Variants in NFIA observed in about 807,000 individuals in gnomAD.
NFIA encodes nuclear factor 1 A-type.
NFIA carries 8 observed loss-of-function variants against 62.8 expected under a neutral mutation model. The ratio of observed to expected loss-of-function variants is 0.13; its 90% CI spans 0.07 to 0.23. NFIA has a LOEUF of 0.23. NFIA is among the 10% of genes least tolerant of loss of function. The probability of loss-of-function intolerance (pLI) is 1.00; values close to 1 mark genes in which losing one functional copy is unlikely to be tolerated. For synonymous variants in NFIA, 235 were observed against 238.1 expected, an observed-to-expected ratio of 0.99 and a Z score of 0.12; for missense variants, 410 against 642.1, an observed-to-expected ratio of 0.64 and a Z score of 3.91.
intron 3 of NFIA, among the ~76,000 whole-genome samples, chr1:61,328,645 C>T (rs555820206): frequency 1.5e-4 from 23 of 152,102 alleles, no homozygotes; most frequent in Non-Finnish European, 1.5e-5. Flanking sequence ...TCTCTAACTC[C>T]CGACCTCAGG....
chr1:61,361,783 GTGTGT>G (rs1663305730), intron 6 of NFIA, among the ~76,000 whole-genome samples: 2 of 194 alleles, frequency 0.01, no homozygotes, highest in African/African-American at 0.04. Flanking sequence ...TTGGTAAGAG[GTGTGT>G]GTGTGTGTGT....
intron 7 of NFIA, among the ~76,000 whole-genome samples, chr1:61,387,704 GT>G (rs1282142810): frequency 2.0e-5 from 3 of 152,162 alleles, no homozygotes. Context: ...CACTATCTTT[GT>G]TGTGCCTCAC....
intron 3 of NFIA, among the ~76,000 whole-genome samples, chr1:61,314,130 TA>T (rs1343584132): frequency 1.3e-5 from 2 of 152,226 alleles, no homozygotes; most frequent in Non-Finnish European, 2.9e-5. Flanking sequence ...TTCACGTCAC[TA>T]ATCCTGCTGG....
chr1:61,412,441 G>A (rs1471294502), intron 9 of NFIA, among the ~76,000 whole-genome samples: 2 of 152,118 alleles, frequency 1.3e-5, no homozygotes, highest in East Asian at 3.9e-4. Context: ...CGGGTTCCAG[G>A]TATATTTGAA....
chr1:61,451,049 C>T (rs901745096), intron 10 of NFIA, among the ~76,000 whole-genome samples: 12 of 152,134 alleles, frequency 7.9e-5, no homozygotes, highest in East Asian at 1.9e-4. Context: ...TTTTGGAAGA[C>T]GGCCCCTGTG....
chr1:61,430,534 T>A (rs1364987668), intron 10 of NFIA, among the ~76,000 whole-genome samples: 1 of 152,202 alleles, frequency 6.6e-6, no homozygotes, highest in African/African-American at 2.4e-5. Flanking sequence ...CTTCTTTCCA[T>A]GTAAATTGGA....
intron 3 of NFIA, among the ~76,000 whole-genome samples, chr1:61,296,939 A>G (rs541535100): frequency 1.3e-5 from 2 of 152,256 alleles, no homozygotes; most frequent in Non-Finnish European, 2.9e-5. Context: ...CAGCCTTGCT[A>G]AGACAATTTT....
chr1:61,081,730 G>A, upstream of NFIA: 1 of 717,480 alleles, frequency 1.4e-6, no homozygotes, highest in Non-Finnish European at 2.2e-6. Context: ...TGAATCTTCT[G>A]TGGGCACTGA....
chr1:61,438,024 G>T (rs1335294965), intron 10 of NFIA, among the ~76,000 whole-genome samples: 2 of 152,154 alleles, frequency 1.3e-5, no homozygotes, highest in Non-Finnish European at 2.9e-5. Flanking sequence ...AGAAACCTCT[G>T]CCTTGCTTGG....
intron 2 of NFIA, among the ~76,000 whole-genome samples, chr1:61,090,335 A>G (rs939376885): frequency 1.3e-5 from 2 of 152,240 alleles, no homozygotes; most frequent in Admixed American, 6.5e-5. Flanking sequence ...ATAGATGACC[A>G]ACATCGAAAC....
chr1:61,413,944 A>G (rs1569815383), intron 9 of NFIA, among the ~76,000 whole-genome samples: 1 of 149,682 alleles, frequency 6.7e-6, no homozygotes, highest in African/African-American at 2.5e-5. Flanking sequence ...TTACTTTTAC[A>G]GATGTGTCAG....
At chr1:61,339,809 C>T (rs1661804844) in intron 4 of NFIA, among the ~76,000 whole-genome samples, 1 of 152,094 alleles carries the variant, frequency 6.6e-6, no homozygotes, top group South Asian at 2.1e-4. Flanking sequence ...CTATCCTACC[C>T]TCCTCACCTA....
chr1:61,142,298 A>C (rs1038822107), intron 2 of NFIA, among the ~76,000 whole-genome samples: 1 of 152,240 alleles, frequency 6.6e-6, no homozygotes, highest in Non-Finnish European at 1.5e-5. Context: ...TAATCACCCA[A>C]GGGCTGTAAA....
intron 2 of NFIA, among the ~76,000 whole-genome samples, chr1:61,174,744 C>G (rs758813212): frequency 6.6e-6 from 1 of 152,150 alleles, no homozygotes; most frequent in Non-Finnish European, 1.5e-5. Flanking sequence ...GTGCCTGATA[C>G]TATGATGGAT....
At chr1:61,317,822 C>T (rs960671530) in intron 3 of NFIA, among the ~76,000 whole-genome samples, 1 of 151,958 alleles carries the variant, frequency 6.6e-6, no homozygotes, top group South Asian at 2.1e-4. Flanking sequence ...TAACAGTTAT[C>T]ATTTTTTGAA....
At chr1:61,117,885 T>C (rs1029487233) in intron 2 of NFIA, among the ~76,000 whole-genome samples, 1 of 152,084 alleles carries the variant, frequency 6.6e-6, no homozygotes, top group African/African-American at 2.4e-5. Context: ...GCACAAATTA[T>C]GGAACATCGT....
intron 2 of NFIA, among the ~76,000 whole-genome samples, chr1:61,264,918 C>T (rs768819427): frequency 1.3e-5 from 2 of 152,132 alleles, no homozygotes; most frequent in Non-Finnish European, 2.9e-5. Context: ...CACAGAAGCT[C>T]AGTGGTACTG....
At chr1:61,220,756 C>T (rs1195583197) in intron 2 of NFIA, among the ~76,000 whole-genome samples, 1 of 152,220 alleles carries the variant, frequency 6.6e-6, no homozygotes, top group Admixed American at 6.5e-5. Flanking sequence ...ATAACCCCCA[C>T]ACCCTCCAAT....
intron 4 of NFIA, 29 bp from the exon 5 acceptor site, chr1:61,352,421 C>G (rs1198216790): frequency 1.4e-6 from 2 of 1,471,750 alleles, no homozygotes; most frequent in African/African-American, 2.8e-5. Context: ...CAGAATTTAA[C>G]TGATTTTTGT....
Sources: gnomAD v4.1 joint callset for allele counts (sites outside exome capture counted in the v4.1 genomes callset) on GRCh38, gnomAD v4.1.1 for gene constraint, MANE v1.5 for transcripts, NCBI Gene and HGNC (gene_info 2026-07-23, HGNC 2026-07-21) for gene names.